The following JPH2 variants were observed in gnomAD, a reference collection of about 807,000 sequenced individuals.
The protein encoded by JPH2 is junctophilin-2.
JPH2 carries 38 observed loss-of-function variants against 55.9 expected under a neutral mutation model. The ratio of observed to expected loss-of-function variants is 0.68; its 90% confidence interval spans 0.52 to 0.89. JPH2 has a LOEUF of 0.89. Among genes scored for constraint, JPH2 ranks in the 40% least tolerant of loss-of-function variants. The pLI is 0.00. For synonymous variants in JPH2, 480 were observed against 472.4 expected, an observed-to-expected ratio of 1.02 and a Z score of -0.21; for missense variants, 964 against 1,037.6, an observed-to-expected ratio of 0.93 and a Z score of 0.97.
Position 44,115,881 on chromosome 20 carries a change from G to T in JPH2, c.1794C>A (p.Ser598=), listed in dbSNP as rs369883442. 573 of 1,582,326 alleles carry T rather than the reference G, an allele frequency of 3.6e-4. 3 individuals carry two copies. The African/African-American group carries it at 6.7e-3, about 19-fold the overall frequency. Residue 598 remains serine, a synonymous_variant, in exon 4 of 6, where the codon TCC becomes TCA. Coordinates refer to ENST00000372980, the MANE Select transcript of JPH2 (RefSeq NM_020433.5). The part of the protein sequence containing the change: ...EVSGSESAPS[S]PATAPLQAPT... The stretch of plus-strand genomic sequence containing the variant: ...GGGCCTGCAGCGGGGCGGTGGCCGG[G>T]GACGAGGGCGCGGACTCGGACCCGG...
At chr20:44,153,907 C>T (rs1242008796) in intron 2 of JPH2, among the ~76,000 whole-genome samples, 1 of 152,194 alleles carries the variant, frequency 6.6e-6, no homozygotes, top group Non-Finnish European at 1.5e-5. Flanking sequence ...GTGCTCCTTC[C>T]AGAAAACAAG....
intron 1 of JPH2, among the ~76,000 whole-genome samples, chr20:44,164,642 GTGTGAC>G (rs2072640954): frequency 1.3e-5 from 2 of 152,016 alleles, no homozygotes; most frequent in South Asian, 4.1e-4. Flanking sequence ...GATGAAAGCT[GTGTGAC>G]TCCAGTTACA....
At chr20:44,164,292 G>A (rs183296194) in intron 1 of JPH2, among the ~76,000 whole-genome samples, 247 of 152,318 alleles carry the variant, frequency 1.6e-3, no homozygotes, top group African/African-American at 5.8e-3. Flanking sequence ...GGAGGCTGAG[G>A]ACAGAATGGA....
rs1273646828 is a variant in JPH2 at position 44,159,732 on chromosome 20, C to T, written c.1055G>A (p.Arg352His). ...GTTGCTCTTGAGCTGCAGCATGCGG[C>T]GCTTGGTGTCCTTGACCAGCACGTT... ...RHNVLVKDTK[R>H]RMLQLKSNKV... is the part of the protein sequence containing the mutation. The change falls in exon 2 of 6, where the codon CGC becomes CAC. Residue 352 changes from arginine (R) to histidine (H), a missense_variant. Transcript: ENST00000372980. The surrounding 1 kb of genome is among the most constrained non-coding windows in gnomAD (Gnocchi z 5.7). 1.9e-6 allele frequency: 3 copies of T among 1,613,674 alleles called. No homozygotes were observed. Among genetic ancestry groups the T allele is most frequent in the Admixed American group, 1.7e-5 (1 of 60,026 alleles).
At chr20:44,172,069 G>T (rs1035301925) in intron 1 of JPH2, among the ~76,000 whole-genome samples, 2 of 152,198 alleles carry the variant, frequency 1.3e-5, no homozygotes, top group African/African-American at 4.8e-5. Flanking sequence ...TTGCAAGGTT[G>T]CTGTATTACA....
At chr20:44,180,945 G>C (rs941291323) in intron 1 of JPH2, among the ~76,000 whole-genome samples, 4 of 151,936 alleles carry the variant, frequency 2.6e-5, no homozygotes, top group Non-Finnish European at 4.4e-5. Flanking sequence ...CCACGCAACA[G>C]GCACATAACT....
chr20:44,148,944 A>G (rs2072511640), intron 2 of JPH2, among the ~76,000 whole-genome samples: 1 of 152,060 alleles, frequency 6.6e-6, no homozygotes, highest in African/African-American at 2.4e-5. Context: ...GTGAGCGCCC[A>G]TAGTCCCAGC....
rs745435456 is a variant in JPH2 at position 44,126,139 on chromosome 20, AGAGGGAGGGAGGGAGG to A, written c.1170-7532_1170-7517del. ...AGACCCTATATCAGAAGAAAAAGAG[AGAGGGAGGGAGGGAGG>A]GAGGGAGGGAGGGAGGAAGGAAGGA... On this transcript the variant is annotated intron_variant, in intron 2 of 5. Transcript: ENST00000372980. Among the ~76,000 whole-genome samples the A allele has an allele frequency of 4.0e-3, 150 of 37,612 alleles. 2 individuals are homozygous for A. The highest frequency in any genetic ancestry group is 0.013 in the African/African-American group (130 of 9,678). 24.7% of individuals were successfully genotyped at this position (37,612 alleles called of 152,430 possible). A position where few individuals can be genotyped will look rare whatever the true frequency, so the allele number is the denominator to read the frequency against.
chr20:44,146,096 C>A (rs59113509), intron 2 of JPH2, among the ~76,000 whole-genome samples: 1 of 150,544 alleles, frequency 6.6e-6, no homozygotes, highest in Non-Finnish European at 1.5e-5. Flanking sequence ...TGCAGTGGTG[C>A]CATCTCGGCT....
At chr20:44,155,443 C>G (rs2145875449) in intron 2 of JPH2, among the ~76,000 whole-genome samples, 1 of 152,232 alleles carries the variant, frequency 6.6e-6, no homozygotes, top group East Asian at 1.9e-4. Flanking sequence ...TAAAATGTTC[C>G]CTTTGGAAGA....
intron 1 of JPH2, among the ~76,000 whole-genome samples, chr20:44,161,412 T>C (rs2425628): frequency 0.63 from 95,769 of 151,922 alleles, 32,268 homozygotes; most frequent in Admixed American, 0.78. Context: ...CCAAGTCTTA[T>C]GTGTGTGGAG....
chr20:44,184,203 T>A (rs1249088874), intron 1 of JPH2, among the ~76,000 whole-genome samples: 3 of 152,122 alleles, frequency 2.0e-5, no homozygotes, highest in Admixed American at 2.0e-4. Flanking sequence ...ACTTTGGGTT[T>A]TGCAGGACAA....
rs958623179 is a variant in JPH2 at position 44,111,919 on chromosome 20, C to T, written c.*1599G>A. 6.6e-6 allele frequency: 1 copy of T among 152,398 alleles called. No homozygotes were observed. Among genetic ancestry groups the T allele is most frequent in the Non-Finnish European group, 1.5e-5 (1 of 68,276 alleles). 9.4% of individuals were successfully genotyped at this position (152,398 alleles called of 1,614,324 possible). The stretch of plus-strand genomic sequence containing the variant: ...GCCCCGCCCCATTCCCCTCATGCTC[C>T]AGGAGTCTTGAGAAGCTCAGATGCA... On this transcript the variant is annotated 3_prime_UTR_variant, in exon 6 of 6. Coordinates refer to ENST00000372980, the MANE Select transcript of JPH2 (RefSeq NM_020433.5).
At position 44,109,676 on chromosome 20, in the gene JPH2, T is replaced by C. The variant is rs1600825345; in HGVS notation, c.*3842A>G. Among the ~76,000 whole-genome samples the C allele has an allele frequency of 2.0e-5, 3 of 152,230 alleles. No individual in the cohort carries two copies. The South Asian group carries it at 6.2e-4, about 31-fold the overall frequency. On this transcript the variant is annotated 3_prime_UTR_variant, in exon 6 of 6. Transcript: ENST00000372980. ...TTAATTTCAGCATACATGCAAGTTT[T>C]ATGTTTTACAGTTTAGGTATTATTT...
chr20:44,155,564 C>G (rs1401939752), intron 2 of JPH2, among the ~76,000 whole-genome samples: 9 of 152,166 alleles, frequency 5.9e-5, no homozygotes, highest in Admixed American at 5.9e-4. Flanking sequence ...GTGGGCTGCA[C>G]TGAGTGTCTG....
At chr20:44,162,834 A>G (rs2072625274) in intron 1 of JPH2, among the ~76,000 whole-genome samples, 1 of 136,288 alleles carries the variant, frequency 7.3e-6, no homozygotes, top group South Asian at 2.3e-4. Flanking sequence ...ATCCTATTAG[A>G]TCTGTCCCTC....
intron 3 of JPH2, 47 bp downstream of exon 3, chr20:44,118,458 C>A: frequency 6.9e-7 from 1 of 1,453,482 alleles, no homozygotes; most frequent in Non-Finnish European, 9.6e-7. Flanking sequence ...AAAGCGCCCA[C>A]CCTAGGGATA....
At chr20:44,173,022 A>G (rs1014583691) in intron 1 of JPH2, among the ~76,000 whole-genome samples, 1 of 152,244 alleles carries the variant, frequency 6.6e-6, no homozygotes, top group African/African-American at 2.4e-5. Flanking sequence ...TCTTACTTCT[A>G]ACCTCACAAG....
chr20:44,183,073 A>G (rs2072799701), intron 1 of JPH2, among the ~76,000 whole-genome samples: 1 of 152,142 alleles, frequency 6.6e-6, no homozygotes, highest in South Asian at 2.1e-4. Context: ...GCACACACAG[A>G]CACACATGCA....
Sources: allele counts gnomAD v4.1 joint callset (sites outside exome capture counted in the v4.1 genomes callset), GRCh38; gene constraint gnomAD v4.1.1; non-coding constraint Gnocchi (gnomAD v3.1); transcripts MANE v1.5; gene names NCBI Gene and HGNC (gene_info 2026-07-23, HGNC 2026-07-21).